MCTP1: variants seen among roughly 807,000 people sequenced by gnomAD.
MCTP1 encodes the protein multiple C2 and transmembrane domain containing 1, also known as multiple C2 and transmembrane domain-containing protein 1.
In MCTP1, 69 loss-of-function variants were observed where a neutral mutation model predicts 120.6. The ratio of observed to expected loss-of-function variants is 0.57; its 90% CI spans 0.47 to 0.70. MCTP1 has a LOEUF of 0.70. Ranked by LOEUF, MCTP1 falls within the 30% of genes least tolerant of loss-of-function variation. MCTP1 has a pLI of 0.00. For missense variants in MCTP1, 1,203 were observed against 1,248.8 expected (o/e 0.96, Z 0.55); for synonymous variants, 529 against 493.1 (o/e 1.07, Z -0.96).
At chr5:95,208,057 C>T (rs1751872456) in intron 1 of MCTP1, among the ~76,000 whole-genome samples, 1 of 151,086 alleles carries the variant, frequency 6.6e-6, no homozygotes, top group East Asian at 2.0e-4. Flanking sequence ...GAGAGTCACT[C>T]AGCAAGCAAT....
At chr5:94,812,982 G>C (rs936250299) in intron 17 of MCTP1, among the ~76,000 whole-genome samples, 6 of 151,208 alleles carry the variant, frequency 4.0e-5, no homozygotes, top group Middle Eastern at 3.4e-3. Flanking sequence ...TAAAAATTTG[G>C]CCTCATTAAA....
intron 1 of MCTP1, among the ~76,000 whole-genome samples, chr5:95,020,998 G>GT (rs1212354788): frequency 2.6e-5 from 4 of 151,940 alleles, no homozygotes; most frequent in Non-Finnish European, 5.9e-5. Flanking sequence ...CTTCTTTCTT[G>GT]TTTTTCAAAA....
At chr5:95,227,576 A>C (rs1318172341) in intron 1 of MCTP1, among the ~76,000 whole-genome samples, 1 of 152,210 alleles carries the variant, frequency 6.6e-6, no homozygotes, top group Non-Finnish European at 1.5e-5. Flanking sequence ...TATAGGAATC[A>C]TAGGAATCAT....
Position 94,799,025 on chromosome 5 carries a change from C to A in MCTP1, c.2544G>T (p.Arg848Ser), listed in dbSNP as rs1780653141. Residue 848 changes from arginine (R) to serine (S), a missense_variant, in exon 18 of 23, where the codon AGG becomes AGT. Transcript: ENST00000515393. ...AGTAGAGACTTACTGTATCACGTTG[C>A]CTGTTATCTTTCCCTGATATTATCA... ...YFLIISGKDN[R>S]QRDTVVEDML... is the part of the protein sequence containing the mutation. 1.2e-6 allele frequency: 2 copies of A among 1,611,290 alleles called. No homozygotes were observed. The highest frequency in any genetic ancestry group is 1.7e-5 in the Admixed American group (1 of 59,742).
intron 1 of MCTP1, among the ~76,000 whole-genome samples, chr5:95,212,915 T>C (rs974257349): frequency 1.3e-5 from 2 of 152,166 alleles, no homozygotes; most frequent in Non-Finnish European, 2.9e-5. Flanking sequence ...TCATACTGAA[T>C]GGGCAAAAAC....
At chr5:95,221,242 T>G (rs1234696599) in intron 1 of MCTP1, among the ~76,000 whole-genome samples, 1 of 152,236 alleles carries the variant, frequency 6.6e-6, no homozygotes, top group African/African-American at 2.4e-5. Context: ...GTGATTTCAT[T>G]AAAAAGTGCC....
At position 94,870,450 on chromosome 5, in the gene MCTP1, C is replaced by T. The variant is rs375826785; in HGVS notation, c.2283G>A (p.Lys761=). 1 of 1,612,168 alleles carries T rather than the reference C, an allele frequency of 6.2e-7. No homozygotes were observed. Among genetic ancestry groups the T allele is most frequent in the Non-Finnish European group, 8.5e-7 (1 of 1,178,530 alleles). ...SLRTLIPKEQ[K]YIEEENRLSK... ...AGAGTCTGTTTTCCTCTTCAATGTA[C>T]TTCTGTTCTTTGGGTATTAATGTTC... The change falls in exon 16 of 23, where the codon AAG becomes AAA. Residue 761 remains lysine (K), a synonymous_variant. Transcript: ENST00000515393.
At chr5:94,871,081 A>C in intron 14 of MCTP1, 108 bp from the exon 15 acceptor site, 1 of 897,508 alleles carries the variant, frequency 1.1e-6, no homozygotes, top group Non-Finnish European at 1.8e-6. Flanking sequence ...ACCCAAAACA[A>C]CTGTGGCAAT....
intron 19 of MCTP1, among the ~76,000 whole-genome samples, chr5:94,777,921 A>AGTGTGTGTGTGT (rs1460355421): frequency 8.1e-4 from 67 of 82,334 alleles, no homozygotes; most frequent in African/African-American, 3.8e-3. Context: ...GAAGGGAGAA[A>AGTGTGTGTGTGT]GTGTGCGTGT....
chr5:94,917,804 G>C, intron 8 of MCTP1, 92 bp downstream of exon 8: 1 of 896,430 alleles, frequency 1.1e-6, no homozygotes, highest in African/African-American at 1.6e-5. Flanking sequence ...GTTAGTATAG[G>C]GAGTGGGTTT....
At chr5:94,935,198 A>G (rs1815870858) in intron 5 of MCTP1, among the ~76,000 whole-genome samples, 1 of 151,990 alleles carries the variant, frequency 6.6e-6, no homozygotes, top group African/African-American at 2.4e-5. Context: ...AATGGAGAAG[A>G]TTTTGATATG....
intron 19 of MCTP1, among the ~76,000 whole-genome samples, chr5:94,738,641 C>A (rs1405170684): frequency 6.6e-6 from 1 of 152,192 alleles, no homozygotes; most frequent in African/African-American, 2.4e-5. Context: ...TCATCTCTCC[C>A]TGTTGTGAAT....
chr5:95,172,300 G>C (rs1582436452), intron 1 of MCTP1, among the ~76,000 whole-genome samples: 1 of 152,172 alleles, frequency 6.6e-6, no homozygotes, highest in Non-Finnish European at 1.5e-5. Flanking sequence ...GGCCGTGTGA[G>C]GTGTCAGTCT....
chr5:95,093,569 G>C (rs1756007897), intron 1 of MCTP1, among the ~76,000 whole-genome samples: 1 of 152,102 alleles, frequency 6.6e-6, no homozygotes, highest in South Asian at 2.1e-4. Context: ...TATGTTTCAA[G>C]CAGATGTTTA....
At chr5:95,117,474 C>T (rs1354775576) in intron 1 of MCTP1, among the ~76,000 whole-genome samples, 1 of 148,656 alleles carries the variant, frequency 6.7e-6, no homozygotes, top group African/African-American at 2.5e-5. Flanking sequence ...GATACCATTT[C>T]ATGCCAGTCA....
intron 1 of MCTP1, among the ~76,000 whole-genome samples, chr5:95,156,906 A>C (rs948782274): frequency 1.3e-5 from 2 of 152,160 alleles, no homozygotes; most frequent in Non-Finnish European, 1.5e-5. Flanking sequence ...TATTGGTGAA[A>C]CGTTATTAAT....
At chr5:95,222,953 A>C (rs1753844251) in intron 1 of MCTP1, among the ~76,000 whole-genome samples, 1 of 152,212 alleles carries the variant, frequency 6.6e-6, no homozygotes, top group African/African-American at 2.4e-5. Context: ...AACCCATGAG[A>C]GACGATGGTG....
intron 8 of MCTP1, among the ~76,000 whole-genome samples, chr5:94,916,027 AG>A (rs1561852719): frequency 6.6e-6 from 1 of 152,166 alleles, no homozygotes; most frequent in Non-Finnish European, 1.5e-5. Context: ...AAATTTAAAA[AG>A]TTTCAAAGAT....
chr5:94,749,823 A>G (rs1767867901), intron 19 of MCTP1, among the ~76,000 whole-genome samples: 1 of 152,140 alleles, frequency 6.6e-6, no homozygotes, highest in Admixed American at 6.5e-5. Context: ...CTATAAATAC[A>G]TTTTATCAAT....
Sources: allele counts gnomAD v4.1 joint callset (sites outside exome capture counted in the v4.1 genomes callset), GRCh38; gene constraint gnomAD v4.1.1; transcripts MANE v1.5; gene names NCBI Gene and HGNC (gene_info 2026-07-23, HGNC 2026-07-21).